The following ZNF729 variants were observed in gnomAD, a reference collection of about 807,000 sequenced individuals.
The protein encoded by ZNF729 is zinc finger protein 729.
Under a neutral mutation model 12.2 loss-of-function variants are expected in ZNF729, and 15 were observed. The observed-to-expected ratio is 1.23, with a 90% CI of 0.82 to 1.89. The LOEUF (loss-of-function observed/expected upper bound fraction) is 1.89, where lower values mean the gene tolerates loss of function less well. ZNF729 is among the 40% of genes most tolerant of loss of function. The pLI, the probability that ZNF729 is intolerant of heterozygous loss-of-function variation, is 0.00. For missense variants in ZNF729, 1,540 were observed against 1,456.7 expected (o/e 1.06, Z -0.93); for synonymous variants, 492 against 476.3 (o/e 1.03, Z -0.43).
intron 2 of ZNF729, 122 bp downstream of exon 2, chr19:22,304,006 G>A: frequency 4.3e-6 from 4 of 933,258 alleles, no homozygotes; most frequent in Non-Finnish European, 5.9e-6. Flanking sequence ...CTGTTTTCTG[G>A]AAACAGGGAT....
At chr19:22,296,429 G>T (rs750003006) in intron 1 of ZNF729, among the ~76,000 whole-genome samples, 1 of 152,084 alleles carries the variant, frequency 6.6e-6, no homozygotes, top group Non-Finnish European at 1.5e-5. Context: ...GTTCATAGTA[G>T]ACTTCAATAG....
chr19:22,310,462 A>G (rs950009496), intron 3 of ZNF729, among the ~76,000 whole-genome samples: 2 of 152,080 alleles, frequency 1.3e-5, no homozygotes, highest in East Asian at 1.9e-4. Flanking sequence ...AGATGATCAT[A>G]TGATTTTTGT....
At chr19:22,291,037 A>G (rs1968145285) in intron 1 of ZNF729, among the ~76,000 whole-genome samples, 1 of 152,160 alleles carries the variant, frequency 6.6e-6, no homozygotes, top group Non-Finnish European at 1.5e-5. Context: ...CATCTGCAGT[A>G]AGAACAATGT....
At chr19:22,308,437 A>C (rs1219539233) in intron 3 of ZNF729, among the ~76,000 whole-genome samples, 1 of 152,094 alleles carries the variant, frequency 6.6e-6, no homozygotes, top group Non-Finnish European at 1.5e-5. Flanking sequence ...GTTCTTTAGG[A>C]ATCTCCACAC....
rs774230273 is a variant in ZNF729, at chr19:22,315,869, C to G, written c.2452C>G (p.His818Asp). 1 of 1,611,324 alleles carries G rather than the reference C, an allele frequency of 6.2e-7. No individual in the cohort carries two copies. Among genetic ancestry groups the G allele is most frequent in the Non-Finnish European group, 8.5e-7 (1 of 1,179,712 alleles). The change falls in exon 4 of 4, where the codon CAT becomes GAT. Residue 818 changes from histidine (H) to aspartate (D), a missense_variant. His to Asp is a moderately conservative substitution (Grantham distance 81). Transcript: ENST00000601693. Reference protein sequence around the residue: ...SSKLTVHKVIHTGEKPCKCEE... With the variant: ...SSKLTVHKVIDTGEKPCKCEE... ...AAAGCTTACTGTACATAAGGTAATTCATACTGGAGAGAAACCCTGCAAATG... is the reference window on the plus strand; with the variant it reads ...AAAGCTTACTGTACATAAGGTAATTGATACTGGAGAGAAACCCTGCAAATG...
intron 2 of ZNF729, 126 bp downstream of exon 2, chr19:22,304,010 C>A: frequency 1.8e-5 from 15 of 811,548 alleles, no homozygotes; most frequent in Non-Finnish European, 2.1e-5. Context: ...TTTCTGGAAA[C>A]AGGGATTTAT....
intron 3 of ZNF729, among the ~76,000 whole-genome samples, chr19:22,307,884 G>A (rs1968404750): frequency 8.6e-6 from 1 of 116,060 alleles, no homozygotes; most frequent in Non-Finnish European, 1.7e-5. Flanking sequence ...TTAAGTTATT[G>A]GGGTACAAGT....
Position 22,293,198 on chromosome 19 carries a change from A to G in ZNF729, c.30+6643A>G, listed in dbSNP as rs146648416. ...ATGTTTTTTGTCTACCTTTTTTTTT[A>G]TAATTGAGACGAAGTCTCACTCTGT... On this transcript the variant is annotated intron_variant, in intron 1 of 3. Coordinates refer to ENST00000601693, the MANE Select transcript of ZNF729 (RefSeq NM_001242680.2). Among the ~76,000 whole-genome samples, 10 of 150,662 alleles carry G rather than the reference A, an allele frequency of 6.6e-5. No homozygotes were observed. The East Asian group carries it at 2.0e-3, about 30-fold the overall frequency.
Position 22,314,554 on chromosome 19 carries a change from A to C in ZNF729, c.1137A>C (p.Glu379Asp). The C allele has an allele frequency of 1.2e-6, 2 of 1,611,744 alleles. No homozygotes were observed. The highest frequency in any genetic ancestry group is 1.7e-6 in the Non-Finnish European group (2 of 1,179,796). ...IHTGEKPYKC[E>D]ECGKAFKWSS... ...CTGGAGAGAAACCCTACAAATGTGAAGAATGTGGTAAAGCTTTTAAGTGGT... is the reference window on the plus strand; with the variant it reads ...CTGGAGAGAAACCCTACAAATGTGACGAATGTGGTAAAGCTTTTAAGTGGT... Residue 379 changes from glutamate to aspartate, a missense_variant, in exon 4 of 4, where the codon GAA becomes GAC. Glu to Asp is a conservative substitution (Grantham distance 45). Coordinates refer to ENST00000601693, the MANE Select transcript of ZNF729 (RefSeq NM_001242680.2).
At chr19:22,296,185 G>A (rs2145044480) in intron 1 of ZNF729, among the ~76,000 whole-genome samples, 1 of 152,272 alleles carries the variant, frequency 6.6e-6, no homozygotes, top group Non-Finnish European at 1.5e-5. Flanking sequence ...TTTTGGAATA[G>A]TTTTAGTAGA....
intron 3 of ZNF729, among the ~76,000 whole-genome samples, chr19:22,307,316 ATTTTTTTTT>A (rs35650592): frequency 0.035 from 3,349 of 95,328 alleles, 132 homozygotes; most frequent in African/African-American, 0.13. Context: ...ACAATGTAGC[ATTTTTTTTT>A]TTTTTTTTTT....
chr19:22,309,507 A>G (rs1193954789), intron 3 of ZNF729, among the ~76,000 whole-genome samples: 1 of 152,172 alleles, frequency 6.6e-6, no homozygotes, highest in Non-Finnish European at 1.5e-5. Context: ...GTCAAAGTTC[A>G]GTTGGCTGTA....
Position 22,315,603 on chromosome 19 carries a change from T to A in ZNF729, c.2186T>A (p.Val729Glu), listed in dbSNP as rs1422265852. The change falls in exon 4 of 4, where the codon GTA becomes GAA. Residue 729 changes from valine (V) to glutamate (E), a missense_variant. By Grantham distance (121) the Val-to-Glu change is moderately radical. Coordinates refer to ENST00000601693, the MANE Select transcript of ZNF729 (RefSeq NM_001242680.2). ...KAFKWSSKLT[V>E]HKVIHTAEKP... ...TTTAAGTGGTCATCAAAACTTACTGTACATAAGGTAATTCATACTGCAGAG... is the reference window on the plus strand; with the variant it reads ...TTTAAGTGGTCATCAAAACTTACTGAACATAAGGTAATTCATACTGCAGAG... 5 of 1,606,854 alleles carry A rather than the reference T, an allele frequency of 3.1e-6. No individual in the cohort carries two copies. The South Asian group carries it at 3.3e-5, about 11-fold the overall frequency.
Position 22,314,996 on chromosome 19 carries a change from C to T in ZNF729, c.1579C>T (p.Gln527Ter), listed in dbSNP as rs878976075. 4.3e-6 allele frequency: 7 copies of T among 1,610,786 alleles called. No individual in the cohort carries two copies. Among genetic ancestry groups the T allele is most frequent in the African/African-American group, 1.3e-5 (1 of 74,542 alleles). Residue 527 changes from glutamine (Q) to a stop codon, truncating the protein, a stop_gained, in exon 4 of 4, where the codon CAG becomes TAG. Coordinates refer to ENST00000601693, the MANE Select transcript of ZNF729 (RefSeq NM_001242680.2). LOFTEE classifies it low-confidence loss of function (END_TRUNC). Reference sequence around the variant, plus strand: ...TGAAGAATGTGGGAAAGCTTTTAGCCAGTCCTCAACCCTTAGAAACCATCA... The same window carrying T: ...TGAAGAATGTGGGAAAGCTTTTAGCTAGTCCTCAACCCTTAGAAACCATCA... Reference protein sequence around the residue: ...KCEECGKAFSQSSTLRNHQII... With the variant: ...KCEECGKAFS
At position 22,286,575 on chromosome 19, in the gene ZNF729, C is replaced by T. The variant is rs757993214; in HGVS notation, c.30+20C>T. On this transcript the variant is annotated intron_variant, in intron 1 of 3. Coordinates refer to ENST00000601693, the MANE Select transcript of ZNF729 (RefSeq NM_001242680.2). ...GAAATGGTGAGAGTGCCGGGTCCGA[C>T]ATCCCGAGAAGGGGAAGGGGCTGAT... 3.1e-6 allele frequency: 5 copies of T among 1,613,966 alleles called. No individual in the cohort carries two copies. In the Middle Eastern group the frequency reaches 6.6e-4, roughly 213 times the overall value.
chr19:22,289,983 T>C (rs1391228162), intron 1 of ZNF729, among the ~76,000 whole-genome samples: 3 of 152,214 alleles, frequency 2.0e-5, no homozygotes, highest in Non-Finnish European at 2.9e-5. Context: ...TGTAAGCACC[T>C]TAAAATTTTC....
At chr19:22,306,449 A>G (rs1167149043) in intron 3 of ZNF729, among the ~76,000 whole-genome samples, 2 of 150,260 alleles carry the variant, frequency 1.3e-5, no homozygotes, top group African/African-American at 4.9e-5. Flanking sequence ...AAAAAAAAAA[A>G]AGAAAAGAAA....
intron 1 of ZNF729, among the ~76,000 whole-genome samples, chr19:22,289,077 T>A (rs558460808): frequency 4.8e-5 from 7 of 146,944 alleles, no homozygotes; most frequent in African/African-American, 1.7e-4. Context: ...TTGAAAAGAT[T>A]TGGTCGCTTA....
intron 1 of ZNF729, among the ~76,000 whole-genome samples, chr19:22,289,521 G>A (rs978981054): frequency 2.6e-5 from 4 of 152,122 alleles, no homozygotes; most frequent in Middle Eastern, 3.4e-3. Context: ...CACTGCGCCC[G>A]GCAAAAATTT....
Sources: gnomAD v4.1 joint callset for allele counts (sites outside exome capture counted in the v4.1 genomes callset) on GRCh38, gnomAD v4.1.1 for gene constraint, MANE v1.5 for transcripts, NCBI Gene and HGNC (gene_info 2026-07-23, HGNC 2026-07-21) for gene names.